Variants in DOK6 observed in about 807,000 individuals in gnomAD.
DOK6 encodes the protein downstream of tyrosine kinase 6.
In DOK6, 22 loss-of-function variants were observed where a neutral mutation model predicts 44.0. The ratio of observed to expected loss-of-function variants is 0.50; its 90% CI spans 0.36 to 0.71. The LOEUF (loss-of-function observed/expected upper bound fraction) is 0.71, where lower values mean the gene tolerates loss of function less well. Among genes scored for constraint, DOK6 ranks in the 30% least tolerant of loss-of-function variants. The pLI is 0.00. For synonymous variants in DOK6, 166 were observed against 145.5 expected (o/e 1.14, Z -1.01); for missense variants, 340 against 416.4 (o/e 0.82, Z 1.60).
chr18:69,584,081 C>G (rs1983437868), intron 2 of DOK6, among the ~76,000 whole-genome samples: 1 of 141,696 alleles, frequency 7.1e-6, no homozygotes, highest in South Asian at 2.2e-4. Context: ...GCACTCCAGC[C>G]TGGGCAACAC....
intron 1 of DOK6, among the ~76,000 whole-genome samples, chr18:69,552,877 ATG>A (rs1982599191): frequency 1.3e-5 from 2 of 152,222 alleles, no homozygotes; most frequent in African/African-American, 4.8e-5. Context: ...CATAGAGAAA[ATG>A]TGTGTGTGTG....
At chr18:69,763,721 C>A (rs1979632955) in intron 7 of DOK6, among the ~76,000 whole-genome samples, 1 of 152,088 alleles carries the variant, frequency 6.6e-6, no homozygotes, top group South Asian at 2.1e-4. Flanking sequence ...TTTTAATCAC[C>A]ATTAGACATA....
intron 1 of DOK6, among the ~76,000 whole-genome samples, chr18:69,495,109 G>T (rs1318306861): frequency 6.6e-6 from 1 of 152,224 alleles, no homozygotes; most frequent in African/African-American, 2.4e-5. Flanking sequence ...CTCTCTGCAA[G>T]GCTGTGGCTG....
chr18:69,742,871 A>C (rs1978852532), intron 6 of DOK6, among the ~76,000 whole-genome samples: 1 of 152,308 alleles, frequency 6.6e-6, no homozygotes, highest in African/African-American at 2.4e-5. Flanking sequence ...TAATAAATAC[A>C]CCATTTGAGC....
intron 1 of DOK6, among the ~76,000 whole-genome samples, chr18:69,487,203 GTGTGTGTGTGTGTGTGTGTCTGTC>G (rs1202085405): frequency 1.2e-4 from 17 of 145,664 alleles, no homozygotes; most frequent in Non-Finnish European, 2.1e-4. Flanking sequence ...GTGTGTGTGT[GTGTGTGTGTGTGTGTGTGTCTGTC>G]TGTGTGTGTG....
chr18:69,621,732 A>G (rs1346270491), intron 3 of DOK6, among the ~76,000 whole-genome samples: 1 of 152,212 alleles, frequency 6.6e-6, no homozygotes, highest in Non-Finnish European at 1.5e-5. Flanking sequence ...ATGGGACTTT[A>G]TGAAAACAGC....
At chr18:69,778,728 T>TA (rs1156996908) in intron 7 of DOK6, among the ~76,000 whole-genome samples, 1 of 152,076 alleles carries the variant, frequency 6.6e-6, no homozygotes, top group African/African-American at 2.4e-5. Flanking sequence ...CTATAACATC[T>TA]AAAAATGAAA....
intron 3 of DOK6, among the ~76,000 whole-genome samples, chr18:69,647,997 G>A (rs1319814331): frequency 1.3e-5 from 2 of 152,064 alleles, no homozygotes; most frequent in African/African-American, 4.8e-5. Context: ...CTTTATTTTA[G>A]GACAGGATTA....
At chr18:69,484,702 C>T (rs7238166) in intron 1 of DOK6, among the ~76,000 whole-genome samples, 36,142 of 151,988 alleles carry the variant, frequency 0.24, 4,622 homozygotes, top group East Asian at 0.53. Context: ...ATTGAACTCA[C>T]GGCCAGCAGC....
intron 3 of DOK6, among the ~76,000 whole-genome samples, chr18:69,655,942 T>G (rs375698479): frequency 4.9e-4 from 74 of 150,638 alleles, no homozygotes; most frequent in African/African-American, 1.7e-3. Context: ...GAAACAATGG[T>G]GAATAGGAAA....
intron 1 of DOK6, among the ~76,000 whole-genome samples, chr18:69,419,522 T>G (rs1978426509): frequency 1.3e-5 from 2 of 152,278 alleles, no homozygotes; most frequent in Middle Eastern, 6.8e-3. Flanking sequence ...CATTTGGATA[T>G]TCATGATTTA....
intron 7 of DOK6, among the ~76,000 whole-genome samples, chr18:69,814,961 C>T (rs753594979): frequency 1.3e-5 from 2 of 152,008 alleles, no homozygotes; most frequent in Admixed American, 6.6e-5. Context: ...GGAGAGGTGG[C>T]GAGGTAATCC....
intron 3 of DOK6, among the ~76,000 whole-genome samples, chr18:69,642,760 C>G (rs896082409): frequency 6.6e-6 from 1 of 152,116 alleles, no homozygotes; most frequent in Non-Finnish European, 1.5e-5. Flanking sequence ...AGAAGGTACA[C>G]GATGCCAATT....
chr18:69,667,032 T>A (rs987396237), intron 3 of DOK6, among the ~76,000 whole-genome samples: 1 of 152,136 alleles, frequency 6.6e-6, no homozygotes, highest in South Asian at 2.1e-4. Flanking sequence ...TTAGTTCTCA[T>A]AATTTTCCAT....
At chr18:69,610,787 T>G (rs904401223) in intron 3 of DOK6, among the ~76,000 whole-genome samples, 1 of 152,212 alleles carries the variant, frequency 6.6e-6, no homozygotes, top group Non-Finnish European at 1.5e-5. Context: ...GTAATCAGGA[T>G]GCACTTTAAA....
chr18:69,437,863 T>C (rs1418566736), intron 1 of DOK6, among the ~76,000 whole-genome samples: 6 of 152,160 alleles, frequency 3.9e-5, no homozygotes, highest in African/African-American at 1.4e-4. Context: ...CAAACAAATT[T>C]GGAGGTTTTC....
At chr18:69,837,909 T>A (rs1445470614) in intron 7 of DOK6, among the ~76,000 whole-genome samples, 1 of 152,226 alleles carries the variant, frequency 6.6e-6, no homozygotes, top group East Asian at 1.9e-4. Context: ...TAGCACTGGC[T>A]GTATGGACTC....
intron 4 of DOK6, among the ~76,000 whole-genome samples, chr18:69,695,468 A>G (rs1986369264): frequency 6.6e-6 from 1 of 152,250 alleles, no homozygotes; most frequent in South Asian, 2.1e-4. Context: ...ACATTTTTTA[A>G]AAATCATTTT....
At chr18:69,573,675 TTTTGA>T (rs1983171225) in intron 2 of DOK6, among the ~76,000 whole-genome samples, 2 of 151,854 alleles carry the variant, frequency 1.3e-5, no homozygotes, top group African/African-American at 4.8e-5. Context: ...CCTTTTCTGA[TTTTGA>T]TTTTATTTTA....
Sources: gnomAD v4.1 joint callset for allele counts (sites outside exome capture counted in the v4.1 genomes callset) on GRCh38, gnomAD v4.1.1 for gene constraint, MANE v1.5 for transcripts, NCBI Gene and HGNC (gene_info 2026-07-23, HGNC 2026-07-21) for gene names.